Variants in BICDL2 observed in about 807,000 individuals in gnomAD.
BICDL2 encodes the protein BICD family like cargo adaptor 2.
BICDL2 carries 62 observed loss-of-function variants against 56.6 expected under a neutral mutation model. The observed-to-expected ratio is 1.10, with a 90% CI of 0.89 to 1.35. The LOEUF is 1.35. Ranked by LOEUF, BICDL2 falls within the 40% of genes most tolerant of loss-of-function variation. The pLI is 0.00. For missense variants in BICDL2, 808 were observed against 684.5 expected, an observed-to-expected ratio of 1.18 and a Z score of -2.01; for synonymous variants, 358 against 319.8, an observed-to-expected ratio of 1.12 and a Z score of -1.27.
At chr16:3,031,243 G>A in intron 2 of BICDL2, 93 bp from the exon 3 acceptor site, 1 of 1,139,552 alleles carries the variant, frequency 8.8e-7, no homozygotes, top group Non-Finnish European at 1.2e-6. Context: ...AGACACCTAG[G>A]GAGAAAGCCT....
At position 3,030,681 on chromosome 16, in the gene BICDL2, C is replaced by T. The variant is rs773335740; in HGVS notation, c.615+15G>A. 6.2e-7 allele frequency: 1 copy of T among 1,606,980 alleles called. No homozygotes were observed. Among genetic ancestry groups the T allele is most frequent in the Non-Finnish European group, 8.5e-7 (1 of 1,177,948 alleles). ...TTTTGGCTCAGATAATCCCCCAGCCCCAGCTGACACTCACTTCCCCCTGCA... is the reference window on the plus strand; with the variant it reads ...TTTTGGCTCAGATAATCCCCCAGCCTCAGCTGACACTCACTTCCCCCTGCA... On this transcript the variant is annotated intron_variant, in intron 4 of 9. Coordinates refer to ENST00000572449, the MANE Select transcript of BICDL2 (RefSeq NM_001369667.1).
At chr16:3,029,176 C>A in intron 7 of BICDL2, 104 bp downstream of exon 7, 2 of 1,421,004 alleles carry the variant, frequency 1.4e-6, no homozygotes, top group Admixed American at 2.2e-5. Context: ...GAAAGCCGAT[C>A]CAGGTATAGG....
rs1007872410 is a variant in BICDL2, at chr16:3,030,947, C to T, written c.486G>A (p.Gln162=). 1.9e-6 allele frequency: 3 copies of T among 1,548,316 alleles called. No homozygotes were observed. The highest frequency in any genetic ancestry group is 2.6e-6 in the Non-Finnish European group (3 of 1,152,564). The change falls in exon 3 of 10, where the codon CAG becomes CAA. Residue 162 remains glutamine (Q), a synonymous_variant. Coordinates refer to ENST00000572449, the MANE Select transcript of BICDL2 (RefSeq NM_001369667.1). ...ELSEQNLRLS[Q]QLAQASQTEQ... The stretch of plus-strand genomic sequence containing the variant: ...AGGGCCATCCCACCTGAGCCAGCTG[C>T]TGGCTGAGCCGGAGGTTCTGCTCGC...
chr16:3,036,334 C>CTT, intron 1 of BICDL2: 2 of 444,274 alleles, frequency 4.5e-6, no homozygotes, highest in Non-Finnish European at 9.0e-6. Context: ...TCCCGGTCCG[C>CTT]CCCTGGGGAC....
intron 5 of BICDL2, chr16:3,030,120 T>C: frequency 2.1e-6 from 1 of 471,288 alleles, no homozygotes; most frequent in Non-Finnish European, 3.8e-6. Context: ...TCCTTTGATC[T>C]CTAACATCAG....
At position 3,027,922 on chromosome 16, in the gene BICDL2, C is replaced by G. The variant is rs2072844306; in HGVS notation, c.*184G>C. 1.0e-6 allele frequency: 1 copy of G among 963,372 alleles called. No homozygotes were observed. The highest frequency in any genetic ancestry group is 3.0e-5 in the East Asian group (1 of 33,412). The allele number at this position is 963,372 out of a possible 1,614,324, so 59.7% of individuals were successfully genotyped here. ...CTGCCCCTGCCACCCACCTGGAGCT[C>G]CTGCCCCACAAAGCTGGCCCCTGCT... On this transcript the variant is annotated 3_prime_UTR_variant, in exon 10 of 10. Transcript: ENST00000572449.
At chr16:3,029,887 T>A in intron 5 of BICDL2, 148 bp from the exon 6 acceptor site, 1 of 653,780 alleles carries the variant, frequency 1.5e-6, no homozygotes, top group Non-Finnish European at 2.5e-6. Context: ...GCTGGGCGCC[T>A]TGGGCCGTGC....
Position 3,031,156 on chromosome 16 carries a change from G to A in BICDL2, c.283-6C>T, listed in dbSNP as rs773892442. On this transcript the variant is annotated splice_region_variant and splice_polypyrimidine_tract_variant and intron_variant, in intron 2 of 9. Coordinates refer to ENST00000572449, the MANE Select transcript of BICDL2 (RefSeq NM_001369667.1). ...TGGTTCTCCTGCTGGAGCCGCTGTG[G>A]GGGCCAGGGCAGAGGGACAGAGGCA... The A allele has an allele frequency of 6.5e-7, 1 of 1,534,770 alleles. No homozygotes were observed.
intron 6 of BICDL2, 42 bp from the exon 7 acceptor site, chr16:3,029,471 G>C (rs1297353163): frequency 6.3e-7 from 1 of 1,588,034 alleles, no homozygotes; most frequent in Non-Finnish European, 8.5e-7. Context: ...GAGTTTATTG[G>C]GGAAAGGAGG....
chr16:3,035,565 C>A, intron 1 of BICDL2, 39 bp from the exon 2 acceptor site: 5 of 1,513,588 alleles, frequency 3.3e-6, no homozygotes, highest in Non-Finnish European at 3.5e-6. Flanking sequence ...CAGGGGCTCA[C>A]CCTCCGCCCA....
At position 3,035,233 on chromosome 16, in the gene BICDL2, C is replaced by T. The variant is rs1418959708; in HGVS notation, c.264G>A (p.Gln88=). The T allele has an allele frequency of 7.2e-7, 1 of 1,393,030 alleles. No homozygotes were observed. Among genetic ancestry groups the T allele is most frequent in the Non-Finnish European group, 9.5e-7 (1 of 1,049,112 alleles). 86.3% of individuals were successfully genotyped at this position (1,393,030 alleles called of 1,614,324 possible). A position where few individuals can be genotyped will look rare whatever the true frequency, so the allele number is the denominator to read the frequency against. ...LRRQLETLSA[Q]HLEREERLQQ... ...AGCTCACTTCCTCACGCTCCAAGTG[C>T]TGGGCGCTCAGCGTCTCCAGCTGCC... is the stretch of plus-strand genomic sequence containing the variant. The change falls in exon 2 of 10, where the codon CAG becomes CAA. Residue 88 remains glutamine (Q), a synonymous_variant. Transcript: ENST00000572449.
In BICDL2 at chr16:3,032,076, C is replaced by T. The variant is rs184781020; in HGVS notation, c.283-926G>A. 796 of 152,352 alleles carry T rather than the reference C, an allele frequency of 5.2e-3. 9 individuals are homozygous for T. Among genetic ancestry groups the T allele is most frequent in the Non-Finnish European group, 6.0e-3 (405 of 68,058 alleles). 9.4% of individuals were successfully genotyped at this position (152,352 alleles called of 1,614,324 possible). A position where few individuals can be genotyped will look rare whatever the true frequency, so the allele number is the denominator to read the frequency against. On this transcript the variant is annotated intron_variant, in intron 2 of 9. Coordinates refer to ENST00000572449, the MANE Select transcript of BICDL2 (RefSeq NM_001369667.1). ...CCTCCCAAGTAGCTAAGATTACTGG[C>T]GTGCGCCACCCTGCCCGGCAAATTT...
At chr16:3,036,867 G>A (rs1227819582) in intron 1 of BICDL2, 27 bp downstream of exon 1, 1 of 291,804 alleles carries the variant, frequency 3.4e-6, no homozygotes, top group Non-Finnish European at 6.6e-6. Flanking sequence ...CGAGGGGCCC[G>A]GCCCTCGGCG....
intron 2 of BICDL2, among the ~76,000 whole-genome samples, chr16:3,034,338 G>A (rs1955698499): frequency 6.6e-6 from 1 of 152,204 alleles, no homozygotes; most frequent in Non-Finnish European, 1.5e-5. Flanking sequence ...GAGTGCAGTG[G>A]CATGATCTTG....
rs533118822 is a variant in BICDL2, at chr16:3,028,437, C to T, written c.1270G>A (p.Val424Ile). The change falls in exon 9 of 10, where the codon GTC becomes ATC. Residue 424 changes from valine (V) to isoleucine (I), a missense_variant. Val to Ile is a conservative substitution (Grantham distance 29). Transcript: ENST00000572449. ...ALELSLQLNRVSLERDSLSRE... is the reference protein window; with the variant it reads ...ALELSLQLNRISLERDSLSRE... ...GACAGGGAGTCTCGCTCCAGCGAGA[C>T]GCGGTTGAGCTGCAGGGACAGCTCC... The T allele has an allele frequency of 3.2e-6, 5 of 1,563,870 alleles. No individual in the cohort carries two copies. The highest frequency in any genetic ancestry group is 2.7e-5 in the African/African-American group (2 of 73,924).
intron 4 of BICDL2, 21 bp downstream of exon 4, chr16:3,030,675 C>G: frequency 1.2e-6 from 2 of 1,603,724 alleles, no homozygotes; most frequent in Non-Finnish European, 1.7e-6. Flanking sequence ...AGATAATCCC[C>G]CAGCCCCAGC....
intron 2 of BICDL2, among the ~76,000 whole-genome samples, chr16:3,033,722 T>C (rs1254818580): frequency 2.6e-5 from 4 of 151,640 alleles, no homozygotes; most frequent in Admixed American, 1.3e-4. Flanking sequence ...GAAGTTGAGG[T>C]TCCAGTGAGC....
Position 3,035,176 on chromosome 16 carries a change from T to TTCCCCCCCCCCCCCCCCCCCCCCCCCC in BICDL2, c.282+38_282+39insGGGGGGGGGGGGGGGGGGGGGGGGGGA. ...CTCTCCAGGCCCACCCGTCCTCCCC[T>TTCCCCCCCCCCCCCCCCCCCCCCCCCC]GCCCACCCACCCACCCACCCCGTCC... On this transcript the variant is annotated intron_variant, in intron 2 of 9. Transcript: ENST00000572449. 3 of 136,274 alleles carry TTCCCCCCCCCCCCCCCCCCCCCCCCCC rather than the reference T, an allele frequency of 2.2e-5. 1 individual carries two copies. Among genetic ancestry groups the TTCCCCCCCCCCCCCCCCCCCCCCCCCC allele is most frequent in the East Asian group, 2.8e-4 (2 of 7,068 alleles). 8.4% of individuals were successfully genotyped at this position (136,274 alleles called of 1,614,324 possible). A position where few individuals can be genotyped will look rare whatever the true frequency, so the allele number is the denominator to read the frequency against.
Position 3,027,859 on chromosome 16 carries a change from G to C in BICDL2, c.*247C>G, listed in dbSNP as rs1311123694. 7.3e-6 allele frequency: 6 copies of C among 822,880 alleles called. No individual in the cohort carries two copies. Among genetic ancestry groups the C allele is most frequent in the Non-Finnish European group, 1.1e-5 (6 of 553,960 alleles). The allele number at this position is 822,880 out of a possible 1,614,324, so 51.0% of individuals were successfully genotyped here. A position where few individuals can be genotyped will look rare whatever the true frequency, so the allele number is the denominator to read the frequency against. On this transcript the variant is annotated 3_prime_UTR_variant, in exon 10 of 10. Transcript: ENST00000572449. The stretch of plus-strand genomic sequence containing the variant: ...CCAGCCCCATCCCTGCCCTAGAAAA[G>C]ATAGACGTATATTAATTCGGAAAAT...
Sources: allele counts gnomAD v4.1 joint callset (sites outside exome capture counted in the v4.1 genomes callset), GRCh38; gene constraint gnomAD v4.1.1; transcripts MANE v1.5; gene names NCBI Gene and HGNC (gene_info 2026-07-23, HGNC 2026-07-21).